Variants in FAM81A observed in about 807,000 individuals in gnomAD.
FAM81A encodes the protein family with sequence similarity 81 member A.
FAM81A carries 19 observed loss-of-function variants against 46.7 expected under a neutral mutation model. The ratio of observed to expected loss-of-function variants is 0.41; its 90% CI spans 0.28 to 0.60. FAM81A has a LOEUF of 0.60. Ranked by LOEUF, FAM81A falls within the 20% of genes least tolerant of loss-of-function variation. The probability of loss-of-function intolerance (pLI) is 0.34; values close to 1 mark genes in which losing one functional copy is unlikely to be tolerated. For missense variants in FAM81A, 377 were observed against 453.5 expected (o/e 0.83, Z 1.53); for synonymous variants, 183 against 152.9 (o/e 1.20, Z -1.45).
chr15:59,404,567 C>T (rs889204318), intron 2 of FAM81A, among the ~76,000 whole-genome samples: 1 of 152,082 alleles, frequency 6.6e-6, no homozygotes, highest in Non-Finnish European at 1.5e-5. Flanking sequence ...CTCAAGCCGT[C>T]CTCCTACCTC....
chr15:59,490,811 G>C (rs2081972594), intron 3 of FAM81A, among the ~76,000 whole-genome samples: 1 of 152,182 alleles, frequency 6.6e-6, no homozygotes, highest in Admixed American at 6.6e-5. Context: ...ACTCCAGCCT[G>C]GGTGACAGTG....
chr15:59,441,937 C>G (rs548767212), intron 1 of FAM81A, among the ~76,000 whole-genome samples: 78 of 152,354 alleles, frequency 5.1e-4, no homozygotes, highest in African/African-American at 1.8e-3. Flanking sequence ...CCTCACTGGG[C>G]GCCCTCGCCC....
At chr15:59,455,587 G>A (rs541799858) in intron 1 of FAM81A, among the ~76,000 whole-genome samples, 78 of 152,268 alleles carry the variant, frequency 5.1e-4, no homozygotes, top group African/African-American at 1.8e-3. Flanking sequence ...CAAACCAAGC[G>A]ACCTGCCAGA....
At chr15:59,416,476 C>T (rs531225356) in intron 2 of FAM81A, among the ~76,000 whole-genome samples, 6 of 152,314 alleles carry the variant, frequency 3.9e-5, no homozygotes, top group African/African-American at 1.4e-4. Flanking sequence ...GGAGAAAGCC[C>T]TCTGGCAGAG....
chr15:59,496,448 T>C (rs2082034669), intron 4 of FAM81A, among the ~76,000 whole-genome samples: 1 of 152,070 alleles, frequency 6.6e-6, no homozygotes, highest in South Asian at 2.1e-4. Context: ...CTACTAAAAA[T>C]ACAAAAATTT....
chr15:59,511,929 G>A (rs554771216), intron 6 of FAM81A, among the ~76,000 whole-genome samples: 4 of 152,074 alleles, frequency 2.6e-5, no homozygotes, highest in Admixed American at 1.3e-4. Context: ...GATTACAGGC[G>A]TAAGCCACTG....
At chr15:59,444,100 T>G (rs1481969060) in intron 1 of FAM81A, 8 of 152,298 alleles carry the variant, frequency 5.3e-5, no homozygotes, top group Admixed American at 2.0e-4. Flanking sequence ...GCACGGTGGC[T>G]TGCTAGTGTT....
chr15:59,417,918 TCCCTC>T (rs1373429542), intron 2 of FAM81A, among the ~76,000 whole-genome samples: 2 of 151,892 alleles, frequency 1.3e-5, no homozygotes, highest in Non-Finnish European at 2.9e-5. Context: ...CTATCCCTCC[TCCCTC>T]CCCACAACCC....
intron 3 of FAM81A, among the ~76,000 whole-genome samples, chr15:59,464,188 A>T (rs933793449): frequency 3.9e-5 from 6 of 152,156 alleles, no homozygotes; most frequent in Non-Finnish European, 8.8e-5. Context: ...TTGTGTATAT[A>T]CACCACATTG....
In FAM81A at chr15:59,502,333, T is replaced by TC. The variant is rs1297037598; in HGVS notation, c.414-4872dup. ...ATCTCCTAAAGCTATCCCTTCCCGC[T>TC]CCCCCCCCAACAACAGTCCCCAGAG... On this transcript the variant is annotated intron_variant, in intron 4 of 8. Transcript: ENST00000288228. Among the ~76,000 whole-genome samples the TC allele has an allele frequency of 1.3e-3, 192 of 150,192 alleles. 2 individuals are homozygous for TC. Among genetic ancestry groups the TC allele is most frequent in the African/African-American group, 2.3e-3 (95 of 40,500 alleles).
intron 2 of FAM81A, among the ~76,000 whole-genome samples, chr15:59,404,514 G>T (rs562183390): frequency 2.2e-4 from 33 of 152,280 alleles, no homozygotes; most frequent in African/African-American, 7.7e-4. Context: ...AGGCTGGAGA[G>T]CAGTGGAGCG....
At chr15:59,516,874 T>C (rs1358877889) in intron 8 of FAM81A, 34 bp downstream of exon 8, 3 of 1,532,584 alleles carry the variant, frequency 2.0e-6, no homozygotes, top group African/African-American at 2.8e-5. Flanking sequence ...ACGTGCTTTA[T>C]TTTCTGTTTG....
At position 59,401,875 on chromosome 15, in the gene FAM81A, C is replaced by A. The variant is rs1433126874; in HGVS notation, c.-160-401C>A. On this transcript the variant is annotated intron_variant, in intron 1 of 4. Coordinates refer to the FAM81A transcript ENST00000558348. The stretch of plus-strand genomic sequence containing the variant: ...TTATGGTAAGGCTTAGCCTTGAGAC[C>A]AATCATTTTCTTTGCCTTCTTTGAA... 4 of 761,870 alleles carry A rather than the reference C, an allele frequency of 5.3e-6. No individual in the cohort carries two copies. In the East Asian group the frequency reaches 9.8e-5, roughly 19 times the overall value. The allele number at this position is 761,870 out of a possible 1,614,324, so 47.2% of individuals were successfully genotyped here.
At chr15:59,512,343 G>A (rs988289993) in intron 6 of FAM81A, among the ~76,000 whole-genome samples, 94 of 151,754 alleles carry the variant, frequency 6.2e-4, no homozygotes, top group African/African-American at 2.2e-3. Flanking sequence ...ATGGTGGTGC[G>A]CGCCTGTAGT....
At chr15:59,445,882 T>C (rs2081349326) in intron 1 of FAM81A, among the ~76,000 whole-genome samples, 2 of 152,224 alleles carry the variant, frequency 1.3e-5, no homozygotes, top group African/African-American at 4.8e-5. Context: ...TTGCCAAATA[T>C]TGCTGTTGAT....
At chr15:59,464,926 CTAG>C (rs1402675293) in intron 3 of FAM81A, among the ~76,000 whole-genome samples, 2 of 152,296 alleles carry the variant, frequency 1.3e-5, no homozygotes, top group African/African-American at 4.8e-5. Flanking sequence ...ATGTTTTCTT[CTAG>C]TAGTTTTATC....
chr15:59,442,107 C>G (rs1183124841), intron 1 of FAM81A, among the ~76,000 whole-genome samples: 2 of 152,178 alleles, frequency 1.3e-5, no homozygotes, highest in East Asian at 1.9e-4. Context: ...CTCCACCAGT[C>G]TGACCTTAGA....
chr15:59,447,925 G>C (rs1239711135), intron 1 of FAM81A, among the ~76,000 whole-genome samples: 1 of 152,180 alleles, frequency 6.6e-6, no homozygotes, highest in African/African-American at 2.4e-5. Context: ...GCAGGGCAGT[G>C]GTTGCCTTCT....
At chr15:59,454,274 GA>G (rs1218478992) in intron 1 of FAM81A, among the ~76,000 whole-genome samples, 14 of 152,250 alleles carry the variant, frequency 9.2e-5, no homozygotes, top group Admixed American at 6.5e-4. Flanking sequence ...ATAGTGAAAT[GA>G]AAAATTAACT....
Sources: gnomAD v4.1 joint callset for allele counts (sites outside exome capture counted in the v4.1 genomes callset) on GRCh38, gnomAD v4.1.1 for gene constraint, MANE v1.5 for transcripts, NCBI Gene and HGNC (gene_info 2026-07-23, HGNC 2026-07-21) for gene names.